Variants in PCLO observed in about 807,000 individuals in gnomAD.
PCLO encodes the protein protein piccolo.
A neutral mutation model predicts 427.5 loss-of-function variants in PCLO; 82 were observed. The observed-to-expected ratio is 0.19, with a 90% confidence interval of 0.16 to 0.23. PCLO has a LOEUF of 0.23. PCLO is among the 10% of genes least tolerant of loss of function. PCLO has a pLI of 1.00. For missense variants in PCLO, 6,239 were observed against 6,115.9 expected (o/e 1.02, Z -0.67); for synonymous variants, 2,357 against 2,155.4 (o/e 1.09, Z -2.59).
intron 3 of PCLO, among the ~76,000 whole-genome samples, chr7:83,001,982 C>T (rs756406719): frequency 1.3e-5 from 2 of 151,978 alleles, no homozygotes; most frequent in African/African-American, 4.8e-5. Context: ...ACTCTATGCC[C>T]AGGTCCTATC....
intron 16 of PCLO, among the ~76,000 whole-genome samples, chr7:82,830,172 A>G (rs890535163): frequency 1.3e-5 from 2 of 151,942 alleles, no homozygotes; most frequent in African/African-American, 4.8e-5. Flanking sequence ...AAAATCTAAA[A>G]CAAATATAGC....
intron 6 of PCLO, among the ~76,000 whole-genome samples, chr7:82,938,771 G>A (rs962213206): frequency 1.3e-5 from 2 of 151,864 alleles, no homozygotes; most frequent in East Asian, 1.9e-4. Flanking sequence ...GATACTAAAC[G>A]TTATGTATGG....
chr7:83,122,290 T>TC (rs1263680633), intron 3 of PCLO, among the ~76,000 whole-genome samples: 4 of 34,526 alleles, frequency 1.2e-4, no homozygotes, highest in East Asian at 3.8e-3. Flanking sequence ...TCTTTTCTTT[T>TC]TTTTTTTTTT....
At chr7:83,009,865 G>A (rs1402494207) in intron 3 of PCLO, among the ~76,000 whole-genome samples, 1 of 151,862 alleles carries the variant, frequency 6.6e-6, no homozygotes, top group Non-Finnish European at 1.5e-5. Flanking sequence ...CTTAAGGTTA[G>A]AATATAATAA....
At chr7:83,038,764 A>G (rs1182236971) in intron 3 of PCLO, among the ~76,000 whole-genome samples, 1 of 151,978 alleles carries the variant, frequency 6.6e-6, no homozygotes, top group Non-Finnish European at 1.5e-5. Context: ...TTGCTGGGTC[A>G]TATGGTAACT....
Position 82,824,241 on chromosome 7 carries a change from G to A in PCLO, c.14591C>T (p.Ser4864Leu). ...CTTAAAAAAATATTTCCTACCCTTT[G>A]ATGGGTCAGGGAAGATACCATGGCT... ...SRSHGIFPDP[S>L]KDMQVPTIEK... The change falls in exon 19 of 25, where the codon TCA becomes TTA. Residue 4864 changes from serine to leucine, a missense_variant. Ser to Leu is a moderately radical substitution (Grantham distance 145). Transcript: ENST00000333891. 3.7e-6 allele frequency: 6 copies of A among 1,601,934 alleles called. No individual in the cohort carries two copies. Among genetic ancestry groups the A allele is most frequent in the Non-Finnish European group, 5.1e-6 (6 of 1,175,142 alleles).
At chr7:83,121,944 A>C (rs2116564776) in intron 3 of PCLO, among the ~76,000 whole-genome samples, 1 of 152,320 alleles carries the variant, frequency 6.6e-6, no homozygotes, top group South Asian at 2.1e-4. Context: ...ACAACACATT[A>C]AAAAAATCAT....
In PCLO at chr7:82,879,407, T is replaced by A; in HGVS notation, c.13584A>T (p.Gly4528=). ...VGGKEIPGHS[G]EIGAYIAKIL... ...TCTTGGCAATATAGGCTCCAATTTC[T>A]CCACTATGTCCCGGGATTTCTTTAC... is the stretch of plus-strand genomic sequence containing the variant. The change falls in exon 10 of 25, where the codon GGA becomes GGT. Residue 4528 remains glycine (G), a synonymous_variant. Coordinates refer to ENST00000333891, the MANE Select transcript of PCLO (RefSeq NM_033026.6). The A allele has an allele frequency of 6.2e-7, 1 of 1,610,044 alleles. No individual in the cohort carries two copies. The highest frequency in any genetic ancestry group is 1.3e-5 in the African/African-American group (1 of 74,978).
At chr7:82,996,419 T>A (rs1300775609) in intron 3 of PCLO, among the ~76,000 whole-genome samples, 1 of 152,012 alleles carries the variant, frequency 6.6e-6, no homozygotes, top group Non-Finnish European at 1.5e-5. Flanking sequence ...AATATAGAAG[T>A]ACTGAACCCA....
chr7:83,013,711 T>C (rs924741984), intron 3 of PCLO, among the ~76,000 whole-genome samples: 3 of 152,222 alleles, frequency 2.0e-5, no homozygotes, highest in South Asian at 4.1e-4. Flanking sequence ...AGACAATATA[T>C]GGAAATGTAA....
chr7:82,930,226 T>C (rs1016294222), intron 6 of PCLO, among the ~76,000 whole-genome samples: 7 of 151,994 alleles, frequency 4.6e-5, no homozygotes, highest in Admixed American at 6.6e-5. Context: ...GACAAATAAA[T>C]GAAAACACAA....
intron 20 of PCLO, among the ~76,000 whole-genome samples, chr7:82,817,853 C>T (rs576861376): frequency 1.3e-5 from 2 of 152,260 alleles, no homozygotes; most frequent in South Asian, 4.1e-4. Flanking sequence ...TTCTCCTCAT[C>T]CTGTATTGCC....
Position 82,962,944 on chromosome 7 carries a change from T to C in PCLO, c.4017+2827A>G, listed in dbSNP as rs552662361. ...TTTTGACCATGACACAGATATTTAC[T>C]GTTTACCTCATGGAAAATTAGTTAA... On this transcript the variant is annotated intron_variant, in intron 4 of 24. Coordinates refer to ENST00000333891, the MANE Select transcript of PCLO (RefSeq NM_033026.6). 9.2e-5 allele frequency among the ~76,000 whole-genome samples: 14 copies of C among 152,142 alleles called. No individual in the cohort carries two copies. In the South Asian group the frequency reaches 1.9e-3, roughly 20 times the overall value.
chr7:82,925,018 T>C (rs1439806624), intron 6 of PCLO, among the ~76,000 whole-genome samples: 1 of 152,126 alleles, frequency 6.6e-6, no homozygotes, highest in Non-Finnish European at 1.5e-5. Flanking sequence ...GGGTCATTTG[T>C]CCCATTTTAT....
chr7:82,813,692 G>A (rs1305212830), intron 20 of PCLO, among the ~76,000 whole-genome samples: 1 of 151,718 alleles, frequency 6.6e-6, no homozygotes, highest in African/African-American at 2.4e-5. Flanking sequence ...AAGAGGTTCT[G>A]TGACATTATT....
intron 22 of PCLO, among the ~76,000 whole-genome samples, chr7:82,763,527 C>T (rs891064332): frequency 3.9e-5 from 6 of 151,916 alleles, no homozygotes; most frequent in Non-Finnish European, 7.4e-5. Context: ...GTTATTTGAT[C>T]ATTTTGATTT....
At chr7:82,998,391 A>AAACAACAACAACAACAAC (rs79603092) in intron 3 of PCLO, among the ~76,000 whole-genome samples, 6 of 149,174 alleles carry the variant, frequency 4.0e-5, no homozygotes, top group Non-Finnish European at 7.4e-5. Flanking sequence ...TGTCCTTTAA[A>AAACAACAACAACAACAAC]AACAACAACA....
At chr7:83,091,374 T>C (rs543405684) in intron 3 of PCLO, among the ~76,000 whole-genome samples, 156 of 152,258 alleles carry the variant, frequency 1.0e-3, no homozygotes, top group South Asian at 3.7e-3. Context: ...CTCCAGGCAA[T>C]TGAAGAAAAT....
At chr7:83,060,768 GCT>G (rs890051604) in intron 3 of PCLO, among the ~76,000 whole-genome samples, 5 of 152,150 alleles carry the variant, frequency 3.3e-5, no homozygotes, top group African/African-American at 1.2e-4. Context: ...CTGAAGCACT[GCT>G]CTCTTTTCCT....
Sources: gnomAD v4.1 joint callset for allele counts (sites outside exome capture counted in the v4.1 genomes callset) on GRCh38, gnomAD v4.1.1 for gene constraint, MANE v1.5 for transcripts, NCBI Gene and HGNC (gene_info 2026-07-23, HGNC 2026-07-21) for gene names.